The following LARP6 variants were observed in gnomAD, a reference collection of about 807,000 sequenced individuals.
The protein encoded by LARP6 is La ribonucleoprotein 6, translational regulator, also known as la-related protein 6.
In LARP6, 18 loss-of-function variants were observed where a neutral mutation model predicts 32.8. That is an observed-to-expected ratio of 0.55 (90% CI 0.38 to 0.81). The LOEUF is 0.81. Ranked by LOEUF, LARP6 falls within the 40% of genes least tolerant of loss-of-function variation. The pLI, the probability that LARP6 is intolerant of heterozygous loss-of-function variation, is 0.00. For synonymous variants in LARP6, 289 were observed against 267.2 expected, an observed-to-expected ratio of 1.08 and a Z score of -0.80; for missense variants, 598 against 663.1, an observed-to-expected ratio of 0.90 and a Z score of 1.08.
Position 70,832,290 on chromosome 15 carries a change from A to C in LARP6, c.1238T>G (p.Phe413Cys), listed in dbSNP as rs149491227. 1.9e-6 allele frequency: 3 copies of C among 1,614,214 alleles called. No individual in the cohort carries two copies. The change falls in exon 3 of 3, where the codon TTC (phenylalanine) becomes TGC (cysteine). Residue 413 changes from phenylalanine (F) to cysteine (C), a missense_variant. By Grantham distance (205) the Phe-to-Cys change is radical. Around this residue, in one of 3 missense-constraint regions of LARP6, gnomAD observed 368 missense variants for 397.9 expected, o/e 0.92. Coordinates refer to ENST00000299213, the MANE Select transcript of LARP6 (RefSeq NM_018357.4). ...RLNCSTSPEI[F>C]RKCMDYSSDS... ...AGAGGAATAATCCATACACTTGCGG[A>C]AGATCTCAGGGCTGGTGCTGCAGTT... is the stretch of plus-strand genomic sequence containing the variant.
intron 1 of LARP6, among the ~76,000 whole-genome samples, chr15:70,845,391 C>T (rs1475351358): frequency 6.6e-6 from 1 of 152,134 alleles, no homozygotes; most frequent in Non-Finnish European, 1.5e-5. Flanking sequence ...TGGAATGTCC[C>T]TCAACTGGGA....
At chr15:70,851,404 A>G in intron 1 of LARP6, 2 of 1,137,106 alleles carry the variant, frequency 1.8e-6, no homozygotes, top group South Asian at 3.4e-5. Flanking sequence ...AATGAAGGAG[A>G]TGTGGGGAGA....
At chr15:70,842,918 T>C (rs1036668929) in intron 1 of LARP6, among the ~76,000 whole-genome samples, 6 of 151,920 alleles carry the variant, frequency 3.9e-5, no homozygotes, top group South Asian at 2.1e-4. Flanking sequence ...CTTGGGGGAG[T>C]TGAAAAGCCT....
rs2032061374 is a variant in LARP6 at position 70,832,370 on chromosome 15, C to T, written c.1158G>A (p.Leu386=). Residue 386 remains leucine, a synonymous_variant, in exon 3 of 3, where the codon TTG becomes TTA. Coordinates refer to ENST00000299213, the MANE Select transcript of LARP6 (RefSeq NM_018357.4). ...SPCTSPWSSP[L]AQRKGVSRKS... ...TTCTGGAAACGCCTTTGCGTTGGGC[C>T]AAGGGGCTGCTCCAAGGACTTGTGC... The T allele has an allele frequency of 6.2e-7, 1 of 1,613,506 alleles. No homozygotes were observed. Among genetic ancestry groups the T allele is most frequent in the Admixed American group, 1.7e-5 (1 of 59,954 alleles).
Position 70,832,347 on chromosome 15 carries a change from C to G in LARP6, c.1181G>C (p.Arg394Thr). Residue 394 changes from arginine to threonine, a missense_variant, in exon 3 of 3, where the codon AGA (arginine) becomes ACA (threonine). Physicochemically the swap from Arg to Thr is moderately conservative, Grantham distance 71 (BLOSUM62 -1). Coordinates refer to ENST00000299213, the MANE Select transcript of LARP6 (RefSeq NM_018357.4). ...ACCTTCCTCCGCCAGTGGGGACTTT[C>G]TGGAAACGCCTTTGCGTTGGGCCAA... ...SPLAQRKGVSRKSPLAEEGRL... is the reference protein window; with the variant it reads ...SPLAQRKGVSTKSPLAEEGRL... 1 of 1,614,182 alleles carries G rather than the reference C, an allele frequency of 6.2e-7. No individual in the cohort carries two copies. The highest frequency in any genetic ancestry group is 8.5e-7 in the Non-Finnish European group (1 of 1,180,014).
In LARP6 at chr15:70,854,049, T is replaced by G. The variant is rs1388048556; in HGVS notation, c.40A>C (p.Thr14Pro). 1 of 1,425,848 alleles carries G rather than the reference T, an allele frequency of 7.0e-7. No individual in the cohort carries two copies. Among genetic ancestry groups the G allele is most frequent in the Non-Finnish European group, 9.2e-7 (1 of 1,081,872 alleles). 88.3% of individuals were successfully genotyped at this position (1,425,848 alleles called of 1,614,324 possible). Residue 14 changes from threonine to proline, a missense_variant, in exon 1 of 3, where the codon ACG becomes CCG. By Grantham distance (38) the Thr-to-Pro change is conservative. Transcript: ENST00000299213. ...ATGGCGACGCGGATCTGCACCGCCGTCTTGGGCCCGGGCCGAGCCTCCCCG... is the reference window on the plus strand; with the variant it reads ...ATGGCGACGCGGATCTGCACCGCCGGCTTGGGCCCGGGCCGAGCCTCCCCG... The part of the protein sequence containing the change: ...SGGEARPGPK[T>P]AVQIRVAIQE...
chr15:70,832,715 T>A lies in LARP6; in HGVS notation c.813A>T (p.Lys271Asn), dbSNP rs200308396. Reference sequence around the variant, plus strand: ...ATTCTGTGATCATGAACTCATGGGCTTTGATGGCTGCTTCCACCTCCTCGA... The same window carrying A: ...ATTCTGTGATCATGAACTCATGGGCATTGATGGCTGCTTCCACCTCCTCGA... ...VEFEEVEAAI[K>N]AHEFMITESQ... The change falls in exon 3 of 3, where the codon AAA becomes AAT. Residue 271 changes from lysine to asparagine, a missense_variant. Lys to Asn is a moderately conservative substitution (Grantham distance 94, BLOSUM62 0). Transcript: ENST00000299213. 1.9e-6 allele frequency: 3 copies of A among 1,602,122 alleles called. No homozygotes were observed. Among genetic ancestry groups the A allele is most frequent in the Middle Eastern group, 1.7e-4 (1 of 5,980 alleles).
intron 2 of LARP6, among the ~76,000 whole-genome samples, chr15:70,835,339 C>T (rs766570484): frequency 1.1e-4 from 17 of 152,216 alleles, no homozygotes; most frequent in Non-Finnish European, 5.9e-5. Context: ...TCTTTCAGAT[C>T]TCTCTCCTTT....
intron 1 of LARP6, among the ~76,000 whole-genome samples, chr15:70,844,316 G>A (rs76233039): frequency 0.013 from 1,963 of 152,184 alleles, 46 homozygotes; most frequent in African/African-American, 0.045. Context: ...ACATTAAAAA[G>A]TATTTTTCAA....
chr15:70,853,815 A>G (rs1176628204), intron 1 of LARP6, 74 bp downstream of exon 1: 1 of 1,074,566 alleles, frequency 9.3e-7, no homozygotes, highest in Non-Finnish European at 1.2e-6. Context: ...TGTCGCGCGC[A>G]GTCAGCGCCC....
chr15:70,851,835 T>A lies in LARP6; in HGVS notation c.200+2054A>T. On this transcript the variant is annotated intron_variant, in intron 1 of 2. Transcript: ENST00000299213. ...AACACAGCCAGCTCTGGGGTGGGGA[T>A]TGGGGGTGGTGGAGAAGAGGCAGCG... is the stretch of plus-strand genomic sequence containing the variant. 5.2e-6 allele frequency: 8 copies of A among 1,538,452 alleles called. No individual in the cohort carries two copies. The South Asian group carries it at 6.0e-5, about 11-fold the overall frequency.
In LARP6 at chr15:70,854,047, C is replaced by T. The variant is rs1190319176; in HGVS notation, c.42G>A (p.Thr14=). 2.8e-6 allele frequency: 4 copies of T among 1,428,450 alleles called. No individual in the cohort carries two copies. The African/African-American group carries it at 4.4e-5, about 16-fold the overall frequency. The allele number at this position is 1,428,450 out of a possible 1,614,324, so 88.5% of individuals were successfully genotyped here. A position where few individuals can be genotyped will look rare whatever the true frequency, so the allele number is the denominator to read the frequency against. ...SGGEARPGPK[T]AVQIRVAIQE... ...GGATGGCGACGCGGATCTGCACCGC[C>T]GTCTTGGGCCCGGGCCGAGCCTCCC... The change falls in exon 1 of 3, where the codon ACG becomes ACA. Residue 14 remains threonine (T), a synonymous_variant. Transcript: ENST00000299213.
intron 1 of LARP6, among the ~76,000 whole-genome samples, chr15:70,839,241 C>G (rs975239439): frequency 6.6e-6 from 1 of 152,018 alleles, no homozygotes; most frequent in Non-Finnish European, 1.5e-5. Context: ...AAGATCGAGA[C>G]CAGCCTGGCC....
rs181860023 is a variant in LARP6 at position 70,849,932 on chromosome 15, A to T, written c.200+3957T>A. Among the ~76,000 whole-genome samples, 388 of 151,846 alleles carry T rather than the reference A, an allele frequency of 2.6e-3. 2 individuals are homozygous for T. Among genetic ancestry groups the T allele is most frequent in the African/African-American group, 5.5e-3 (227 of 41,320 alleles). On this transcript the variant is annotated intron_variant, in intron 1 of 2. Transcript: ENST00000299213. ...AGATGATGAGACAAAGCTTTTTTTAAAAAAAAATAGAGCAATGCTGGCTAA... is the reference window on the plus strand; with the variant it reads ...AGATGATGAGACAAAGCTTTTTTTATAAAAAAATAGAGCAATGCTGGCTAA...
intron 1 of LARP6, among the ~76,000 whole-genome samples, chr15:70,848,650 T>C (rs548471536): frequency 4.4e-4 from 67 of 152,096 alleles, no homozygotes; most frequent in African/African-American, 1.5e-3. Context: ...AAGAATCACT[T>C]GAACCTGGGA....
chr15:70,834,834 GC>G (rs1465177507), intron 2 of LARP6, among the ~76,000 whole-genome samples: 1 of 152,236 alleles, frequency 6.6e-6, no homozygotes, highest in African/African-American at 2.4e-5. Context: ...GTTTCCCTGT[GC>G]TTTTTACCTT....
Position 70,851,610 on chromosome 15 carries a change from G to C in LARP6, c.200+2279C>G, listed in dbSNP as rs1307901926. On this transcript the variant is annotated intron_variant, in intron 1 of 2. Coordinates refer to ENST00000299213, the MANE Select transcript of LARP6 (RefSeq NM_018357.4). ...ACACCATTGAGTGAGTGTGATGATA[G>C]AGATACGCATTCAGTCAACAAACAT... is the stretch of plus-strand genomic sequence containing the variant. 1.9e-6 allele frequency: 3 copies of C among 1,605,670 alleles called. No homozygotes were observed. The South Asian group carries it at 3.3e-5, about 18-fold the overall frequency.
intron 1 of LARP6, among the ~76,000 whole-genome samples, chr15:70,846,822 C>T (rs1377838355): frequency 6.6e-6 from 1 of 152,140 alleles, no homozygotes; most frequent in African/African-American, 2.4e-5. Flanking sequence ...GACTCTGTGC[C>T]TTTGAGCTTG....
At chr15:70,834,421 G>A (rs751911670) in intron 2 of LARP6, among the ~76,000 whole-genome samples, 1 of 152,218 alleles carries the variant, frequency 6.6e-6, no homozygotes, top group South Asian at 2.1e-4. Flanking sequence ...ATGACTGCGG[G>A]TGCGTGTGAG....
Sources: allele counts gnomAD v4.1 joint callset (sites outside exome capture counted in the v4.1 genomes callset), GRCh38; gene constraint gnomAD v4.1.1; regional missense constraint gnomAD v4.1.1; transcripts MANE v1.5; gene names NCBI Gene and HGNC (gene_info 2026-07-23, HGNC 2026-07-21).